Variants in NRXN3 observed in about 807,000 individuals in gnomAD.
NRXN3 encodes neurexin III.
In NRXN3, 32 loss-of-function variants were observed where a neutral mutation model predicts 137.6. That is an observed-to-expected ratio of 0.23 (90% CI 0.18 to 0.31). NRXN3 has a LOEUF of 0.31. NRXN3 is among the 10% of genes least tolerant of loss of function. NRXN3 has a pLI of 1.00. For missense variants in NRXN3, 1,574 were observed against 2,062.5 expected, an observed-to-expected ratio of 0.76 and a Z score of 4.59; for synonymous variants, 798 against 784.5, an observed-to-expected ratio of 1.02 and a Z score of -0.29.
At chr14:78,333,432 C>T (rs1201458711) in intron 4 of NRXN3, among the ~76,000 whole-genome samples, 2 of 152,040 alleles carry the variant, frequency 1.3e-5, no homozygotes, top group Non-Finnish European at 2.9e-5. Flanking sequence ...CTGCCTTTGT[C>T]GGTCTTATAT....
At chr14:79,660,164 G>A (rs1014987015) in intron 16 of NRXN3, among the ~76,000 whole-genome samples, 1 of 152,170 alleles carries the variant, frequency 6.6e-6, no homozygotes, top group Non-Finnish European at 1.5e-5. Context: ...AGCCAGCGGA[G>A]TTGATTTGCA....
intron 16 of NRXN3, among the ~76,000 whole-genome samples, chr14:79,521,412 A>G (rs1308232687): frequency 6.6e-6 from 1 of 152,164 alleles, no homozygotes; most frequent in African/African-American, 2.4e-5. Flanking sequence ...GGGCTTTTGG[A>G]TAGACCCTCT....
At chr14:78,892,181 G>A (rs1425678216) in intron 10 of NRXN3, among the ~76,000 whole-genome samples, 4 of 151,942 alleles carry the variant, frequency 2.6e-5, no homozygotes, top group Non-Finnish European at 5.9e-5. Context: ...GAACTCTGAT[G>A]CACGTTAAAA....
intron 8 of NRXN3, among the ~76,000 whole-genome samples, chr14:78,745,775 T>G (rs939937956): frequency 6.6e-6 from 1 of 152,152 alleles, no homozygotes; most frequent in African/African-American, 2.4e-5. Context: ...CCTCTTTTGA[T>G]TAAAAAATAT....
chr14:79,001,356 C>T (rs1421599224), intron 15 of NRXN3, among the ~76,000 whole-genome samples: 2 of 152,188 alleles, frequency 1.3e-5, no homozygotes, highest in Non-Finnish European at 2.9e-5. Flanking sequence ...TCAATGACCT[C>T]TTCTCAATGT....
chr14:78,571,330 C>T (rs7155735), intron 4 of NRXN3, among the ~76,000 whole-genome samples: 2,417 of 152,260 alleles, frequency 0.016, 75 homozygotes, highest in African/African-American at 0.055. Flanking sequence ...GAAACACTCA[C>T]AGAGTAAACC....
At chr14:79,200,684 C>G (rs1020086013) in intron 15 of NRXN3, among the ~76,000 whole-genome samples, 1 of 152,096 alleles carries the variant, frequency 6.6e-6, no homozygotes, top group Non-Finnish European at 1.5e-5. Flanking sequence ...AATTGGAAAA[C>G]AATGTACACA....
chr14:78,467,890 AT>A (rs1331971937), intron 4 of NRXN3, among the ~76,000 whole-genome samples: 26 of 149,366 alleles, frequency 1.7e-4, no homozygotes, highest in African/African-American at 6.0e-4. Flanking sequence ...TTGTAAATAC[AT>A]ATATCCTAGA....
At chr14:79,347,737 G>A (rs924587286) in intron 15 of NRXN3, among the ~76,000 whole-genome samples, 4 of 152,092 alleles carry the variant, frequency 2.6e-5, no homozygotes, top group East Asian at 1.9e-4. Flanking sequence ...TCCCTTTTCA[G>A]TAGCAGGTGA....
chr14:78,473,247 A>G (rs2095313587), intron 4 of NRXN3, among the ~76,000 whole-genome samples: 1 of 151,842 alleles, frequency 6.6e-6, no homozygotes, highest in Non-Finnish European at 1.5e-5. Flanking sequence ...CTAAAAATAC[A>G]AAAAATTAGC....
chr14:78,468,173 AT>A (rs1360223281), intron 4 of NRXN3, among the ~76,000 whole-genome samples: 1 of 152,026 alleles, frequency 6.6e-6, no homozygotes, highest in Non-Finnish European at 1.5e-5. Flanking sequence ...ATTGTTAGTG[AT>A]CTTGGTTAGG....
intron 15 of NRXN3, among the ~76,000 whole-genome samples, chr14:79,003,009 C>G (rs1248980504): frequency 6.6e-6 from 1 of 152,018 alleles, no homozygotes; most frequent in East Asian, 1.9e-4. Flanking sequence ...GCTCTGTCAC[C>G]AAGACTGGAG....
intron 10 of NRXN3, among the ~76,000 whole-genome samples, chr14:78,822,172 G>A (rs2098952589): frequency 6.6e-6 from 1 of 152,060 alleles, no homozygotes; most frequent in African/African-American, 2.4e-5. Flanking sequence ...CTATGCACAA[G>A]GATATTTACA....
intron 15 of NRXN3, among the ~76,000 whole-genome samples, chr14:79,274,223 C>T (rs546896091): frequency 4.6e-5 from 7 of 152,152 alleles, no homozygotes; most frequent in African/African-American, 1.7e-4. Context: ...TGAATGCACT[C>T]TCAAAGTGTC....
At chr14:78,512,115 C>T (rs1028375271) in intron 4 of NRXN3, among the ~76,000 whole-genome samples, 5 of 152,218 alleles carry the variant, frequency 3.3e-5, no homozygotes, top group South Asian at 2.1e-4. Context: ...AGCCCAGGAT[C>T]GCTTGATGGA....
intron 10 of NRXN3, among the ~76,000 whole-genome samples, chr14:78,813,309 T>C (rs2098920446): frequency 6.6e-6 from 1 of 152,190 alleles, no homozygotes; most frequent in Non-Finnish European, 1.5e-5. Flanking sequence ...ATTGACTCCA[T>C]GTCAGATTTC....
intron 16 of NRXN3, among the ~76,000 whole-genome samples, chr14:79,612,288 G>A (rs947835255): frequency 2.0e-5 from 3 of 152,172 alleles, no homozygotes; most frequent in African/African-American, 7.2e-5. Context: ...AGTTGAACCA[G>A]GGTATTGAAT....
chr14:79,228,037 G>T (rs2071393192), intron 15 of NRXN3, among the ~76,000 whole-genome samples: 1 of 152,136 alleles, frequency 6.6e-6, no homozygotes, highest in South Asian at 2.1e-4. Flanking sequence ...AAAGGAAGAA[G>T]AAACTGCATG....
intron 4 of NRXN3, among the ~76,000 whole-genome samples, chr14:78,508,219 C>G (rs146947874): frequency 3.3e-5 from 5 of 152,128 alleles, no homozygotes; most frequent in Non-Finnish European, 5.9e-5. Flanking sequence ...ACACTAATAC[C>G]GGTATTTACC....
Sources: gnomAD v4.1 joint callset for allele counts (sites outside exome capture counted in the v4.1 genomes callset) on GRCh38, gnomAD v4.1.1 for gene constraint, MANE v1.5 for transcripts, NCBI Gene and HGNC (gene_info 2026-07-23, HGNC 2026-07-21) for gene names.